The following KCNJ3 variants were observed in gnomAD, a reference collection of about 807,000 sequenced individuals.
The protein encoded by KCNJ3 is G protein-activated inward rectifier potassium channel 1.
KCNJ3 carries 4 observed loss-of-function variants against 39.2 expected under a neutral mutation model. The observed-to-expected ratio is 0.10, with a 90% confidence interval of 0.05 to 0.23. The LOEUF is 0.23. KCNJ3 is among the 10% of genes least tolerant of loss of function. The pLI is 1.00. For missense variants in KCNJ3, 276 were observed against 634.9 expected (o/e 0.43, Z 6.08); for synonymous variants, 230 against 237.4 (o/e 0.97, Z 0.29).
At chr2:154,701,584 T>C (rs533274332) in intron 1 of KCNJ3, among the ~76,000 whole-genome samples, 3 of 152,192 alleles carry the variant, frequency 2.0e-5, no homozygotes, top group South Asian at 2.1e-4. Flanking sequence ...GTACCACATA[T>C]ACCATAAAGA....
chr2:154,848,937 T>C (rs1194785059), intron 2 of KCNJ3, among the ~76,000 whole-genome samples: 1 of 152,198 alleles, frequency 6.6e-6, no homozygotes, highest in East Asian at 1.9e-4. Flanking sequence ...ATCACAGACT[T>C]GATGCTTTTG....
chr2:154,857,024 C>G lies in KCNJ3; in HGVS notation c.*1711C>G, dbSNP rs1687851354. Reference sequence around the variant, plus strand: ...TTATTGGCAAATTAATACATCAACACTTAAATCATTGACTATAATAATACC... The same window carrying G: ...TTATTGGCAAATTAATACATCAACAGTTAAATCATTGACTATAATAATACC... On this transcript the variant is annotated 3_prime_UTR_variant, in exon 3 of 3. Coordinates refer to ENST00000295101, the MANE Select transcript of KCNJ3 (RefSeq NM_002239.4). 1 of 152,090 alleles carries G rather than the reference C, an allele frequency of 6.6e-6. No homozygotes were observed. The highest frequency in any genetic ancestry group is 2.1e-4 in the South Asian group (1 of 4,826). 9.4% of individuals were successfully genotyped at this position (152,090 alleles called of 1,614,324 possible). A position where few individuals can be genotyped will look rare whatever the true frequency, so the allele number is the denominator to read the frequency against.
rs1687812679 is a variant in KCNJ3 at position 154,854,930 on chromosome 2, G to T, written c.1123G>T (p.Ala375Ser). 6.2e-7 allele frequency: 1 copy of T among 1,613,836 alleles called. No individual in the cohort carries two copies. Reference sequence around the variant, plus strand: ...CATGTCGTCCCCTTTAATAGCACCAGCCATAACTAACAGCAAAGAAAGACA... The same window carrying T: ...CATGTCGTCCCCTTTAATAGCACCATCCATAACTAACAGCAAAGAAAGACA... ...LLMSSPLIAP[A>S]ITNSKERHNS... The change falls in exon 3 of 3, where the codon GCC becomes TCC. Residue 375 changes from alanine to serine, a missense_variant. Ala to Ser is a moderately conservative substitution (Grantham distance 99, BLOSUM62 1). Transcript: ENST00000295101.
chr2:154,729,133 A>G (rs1022082566), intron 2 of KCNJ3, among the ~76,000 whole-genome samples: 1 of 152,208 alleles, frequency 6.6e-6, no homozygotes, highest in Non-Finnish European at 1.5e-5. Context: ...TGAGATTACA[A>G]CACATTTACA....
At chr2:154,780,199 G>A (rs1404225227) in intron 2 of KCNJ3, among the ~76,000 whole-genome samples, 4 of 152,156 alleles carry the variant, frequency 2.6e-5, no homozygotes, top group African/African-American at 9.7e-5. Context: ...CACAAATGCA[G>A]GAGGCAGCCT....
intron 2 of KCNJ3, among the ~76,000 whole-genome samples, chr2:154,844,082 T>C (rs956129768): frequency 6.6e-6 from 1 of 152,270 alleles, no homozygotes; most frequent in African/African-American, 2.4e-5. Flanking sequence ...TTTGTGGTTT[T>C]ATCTGCCTTT....
At chr2:154,779,060 T>A (rs1223772894) in intron 2 of KCNJ3, among the ~76,000 whole-genome samples, 1 of 152,146 alleles carries the variant, frequency 6.6e-6, no homozygotes, top group South Asian at 2.1e-4. Flanking sequence ...AATAAAACCT[T>A]AGCAGTACTT....
At chr2:154,839,119 C>T (rs1277461319) in intron 2 of KCNJ3, among the ~76,000 whole-genome samples, 1 of 152,140 alleles carries the variant, frequency 6.6e-6, no homozygotes. Flanking sequence ...CCGATAGGCC[C>T]TGGTGTGTGA....
intron 2 of KCNJ3, among the ~76,000 whole-genome samples, chr2:154,726,820 CA>C (rs1685366346): frequency 6.6e-6 from 1 of 150,542 alleles, no homozygotes; most frequent in Non-Finnish European, 1.5e-5. Flanking sequence ...CACACACACA[CA>C]CACACACACA....
At chr2:154,720,986 T>G (rs1218497594) in intron 2 of KCNJ3, among the ~76,000 whole-genome samples, 1 of 152,134 alleles carries the variant, frequency 6.6e-6, no homozygotes, top group Admixed American at 6.5e-5. Context: ...GCTCCAAAAA[T>G]GTTTCAGCAT....
At chr2:154,849,098 A>G (rs1398739535) in intron 2 of KCNJ3, among the ~76,000 whole-genome samples, 4 of 152,108 alleles carry the variant, frequency 2.6e-5, no homozygotes, top group South Asian at 2.1e-4. Flanking sequence ...CTTATGTTCA[A>G]TTTCCAGCTG....
At chr2:154,837,172 CATCT>C (rs1157687143) in intron 2 of KCNJ3, among the ~76,000 whole-genome samples, 7 of 152,092 alleles carry the variant, frequency 4.6e-5, no homozygotes, top group African/African-American at 1.7e-4. Flanking sequence ...ACTAGATATG[CATCT>C]ATCTGTGTAT....
chr2:154,785,279 C>A (rs1686506846), intron 2 of KCNJ3, among the ~76,000 whole-genome samples: 1 of 152,280 alleles, frequency 6.6e-6, no homozygotes, highest in East Asian at 1.9e-4. Flanking sequence ...TTAGGAGGAT[C>A]CTAGTCCAAG....
chr2:154,802,584 CT>C (rs1459764398), intron 2 of KCNJ3, among the ~76,000 whole-genome samples: 1 of 151,998 alleles, frequency 6.6e-6, no homozygotes, highest in African/African-American at 2.4e-5. Flanking sequence ...TCAACTGTGC[CT>C]TTGCATGATA....
chr2:154,812,597 G>A (rs1193878029), intron 2 of KCNJ3, among the ~76,000 whole-genome samples: 1 of 152,012 alleles, frequency 6.6e-6, no homozygotes, highest in Admixed American at 6.6e-5. Flanking sequence ...CATTGATTTC[G>A]TCGTAAAGCA....
chr2:154,796,594 T>C (rs1056216754), intron 2 of KCNJ3, among the ~76,000 whole-genome samples: 1 of 151,966 alleles, frequency 6.6e-6, no homozygotes, highest in Admixed American at 6.6e-5. Context: ...GAAGTCTATA[T>C]TGCTAACTAA....
intron 2 of KCNJ3, among the ~76,000 whole-genome samples, chr2:154,844,770 T>G (rs1687637930): frequency 6.6e-6 from 1 of 152,142 alleles, no homozygotes; most frequent in Admixed American, 6.5e-5. Flanking sequence ...TGGGAGAGAA[T>G]TACCTTGTCT....
intron 2 of KCNJ3, among the ~76,000 whole-genome samples, chr2:154,768,999 G>T (rs1394306121): frequency 6.6e-6 from 1 of 152,120 alleles, no homozygotes; most frequent in African/African-American, 2.4e-5. Context: ...TCTGTTATTG[G>T]TGTAGAGGAA....
chr2:154,807,664 G>C (rs1002510209), intron 2 of KCNJ3, among the ~76,000 whole-genome samples: 1 of 152,212 alleles, frequency 6.6e-6, no homozygotes, highest in African/African-American at 2.4e-5. Flanking sequence ...AGCTACAGGA[G>C]CTAGGGTTGC....
Sources: allele counts gnomAD v4.1 joint callset (sites outside exome capture counted in the v4.1 genomes callset), GRCh38; gene constraint gnomAD v4.1.1; transcripts MANE v1.5; gene names NCBI Gene and HGNC (gene_info 2026-07-23, HGNC 2026-07-21).